FOCAD: variants seen among roughly 807,000 people sequenced by gnomAD.
FOCAD encodes focadhesin, also known as KIAA1797.
A neutral mutation model predicts 225.6 loss-of-function variants in FOCAD; 198 were observed. The ratio of observed to expected loss-of-function variants is 0.88; its 90% CI spans 0.78 to 0.99. The LOEUF (loss-of-function observed/expected upper bound fraction) is 0.99, where lower values mean the gene tolerates loss of function less well. Among genes scored for constraint, FOCAD ranks in the 50% least tolerant of loss-of-function variants. The pLI is 0.00. For synonymous variants in FOCAD, 897 were observed against 755.0 expected (o/e 1.19, Z -3.08); for missense variants, 2,713 against 2,123.6 (o/e 1.28, Z -5.46).
chr9:20,838,261 A>G (rs1250481556), intron 15 of FOCAD, among the ~76,000 whole-genome samples: 2 of 151,000 alleles, frequency 1.3e-5, no homozygotes, highest in Non-Finnish European at 3.0e-5. Context: ...ATGACATTAT[A>G]CCACATAGGT....
At chr9:20,949,909 T>A (rs879681275) in intron 33 of FOCAD, among the ~76,000 whole-genome samples, 1 of 152,068 alleles carries the variant, frequency 6.6e-6, no homozygotes, top group African/African-American at 2.4e-5. Flanking sequence ...TAAGTTGGCA[T>A]TGGTTTTTCT....
At chr9:20,724,578 A>G (rs1826044259) in intron 4 of FOCAD, among the ~76,000 whole-genome samples, 1 of 152,214 alleles carries the variant, frequency 6.6e-6, no homozygotes, top group African/African-American at 2.4e-5. Flanking sequence ...TGATCATAAA[A>G]TATATAAGTG....
chr9:20,844,434 C>T (rs1175287450), intron 15 of FOCAD, among the ~76,000 whole-genome samples: 1 of 127,600 alleles, frequency 7.8e-6, no homozygotes, highest in African/African-American at 3.0e-5. Flanking sequence ...GATCTCGGCT[C>T]ACTGCAACCT....
upstream of FOCAD, among the ~76,000 whole-genome samples, chr9:20,680,509 T>A (rs900451796): frequency 6.6e-6 from 1 of 152,058 alleles, no homozygotes; most frequent in Non-Finnish European, 1.5e-5. Context: ...AAGCTGAGAT[T>A]GCGTCATTGC....
chr9:20,888,101 T>A (rs1350867018), intron 21 of FOCAD, among the ~76,000 whole-genome samples: 1 of 150,382 alleles, frequency 6.6e-6, no homozygotes, highest in Admixed American at 6.6e-5. Context: ...TTACTTAGTG[T>A]GTTACATGTC....
At chr9:20,842,003 T>G (rs1441021341) in intron 15 of FOCAD, among the ~76,000 whole-genome samples, 1 of 152,024 alleles carries the variant, frequency 6.6e-6, no homozygotes, top group Non-Finnish European at 1.5e-5. Flanking sequence ...AGTTTCTTTA[T>G]TGACCCCACT....
intron 15 of FOCAD, among the ~76,000 whole-genome samples, chr9:20,832,067 G>A (rs1244339754): frequency 1.3e-5 from 2 of 152,014 alleles, no homozygotes; most frequent in South Asian, 4.1e-4. Flanking sequence ...ATACTGTGTT[G>A]TATGGCTGTA....
chr9:20,675,313 A>G (rs1347392640), intron 2 of FOCAD, among the ~76,000 whole-genome samples: 1 of 152,252 alleles, frequency 6.6e-6, no homozygotes, highest in African/African-American at 2.4e-5. Flanking sequence ...ATAAAAATAT[A>G]TACCAGAGCA....
intron 23 of FOCAD, among the ~76,000 whole-genome samples, chr9:20,915,681 AGCTGGTGG>A (rs1833810755): frequency 6.6e-6 from 1 of 152,146 alleles, no homozygotes; most frequent in Admixed American, 6.5e-5. Context: ...ATGGGGCAAT[AGCTGGTGG>A]GCTTGTTCTG....
intron 24 of FOCAD, among the ~76,000 whole-genome samples, chr9:20,922,636 T>C (rs1834553628): frequency 6.6e-6 from 1 of 152,210 alleles, no homozygotes; most frequent in African/African-American, 2.4e-5. Flanking sequence ...CTCATATCTG[T>C]TATAGTCCTG....
chr9:20,765,968 A>T (rs1830020638), intron 7 of FOCAD, among the ~76,000 whole-genome samples: 1 of 152,216 alleles, frequency 6.6e-6, no homozygotes, highest in East Asian at 1.9e-4. Flanking sequence ...TCTGCGACTT[A>T]TAAATAGGCT....
intron 43 of FOCAD, among the ~76,000 whole-genome samples, chr9:20,994,905 G>T (rs1190973765): frequency 6.6e-6 from 1 of 152,018 alleles, no homozygotes; most frequent in Non-Finnish European, 1.5e-5. Context: ...TGTAACTCTG[G>T]CTTACCTACA....
chr9:20,926,267 C>G (rs764474656), intron 25 of FOCAD, 34 bp from the exon 26 acceptor site: 4 of 1,229,906 alleles, frequency 3.3e-6, no homozygotes, highest in Non-Finnish European at 4.8e-6. Context: ...TTTGTTTTCT[C>G]TGTAATCATT....
intron 5 of FOCAD, among the ~76,000 whole-genome samples, chr9:20,746,798 A>G (rs939188609): frequency 6.6e-6 from 1 of 152,184 alleles, no homozygotes; most frequent in Non-Finnish European, 1.5e-5. Flanking sequence ...TTTTTAATGT[A>G]TAGGATCTAG....
intron 11 of FOCAD, among the ~76,000 whole-genome samples, chr9:20,790,958 T>C (rs1820463869): frequency 6.6e-6 from 1 of 152,210 alleles, no homozygotes; most frequent in Non-Finnish European, 1.5e-5. Flanking sequence ...AAAATACTTT[T>C]GTTTCATGGT....
chr9:20,978,646 G>T (rs959438194), intron 37 of FOCAD, among the ~76,000 whole-genome samples, 192 bp downstream of exon 37: 1 of 152,180 alleles, frequency 6.6e-6, no homozygotes, highest in Non-Finnish European at 1.5e-5. Context: ...AGCCATTACC[G>T]TTCATGCTTT....
intron 9 of FOCAD, 43 bp from the exon 10 acceptor site, chr9:20,781,684 G>T: frequency 6.4e-7 from 1 of 1,566,038 alleles, no homozygotes; most frequent in South Asian, 1.1e-5. Flanking sequence ...GTTTGACTGT[G>T]GTATTAATTT....
intron 21 of FOCAD, among the ~76,000 whole-genome samples, chr9:20,892,562 G>C (rs547509385): frequency 1.3e-5 from 2 of 152,214 alleles, no homozygotes; most frequent in South Asian, 2.1e-4. Flanking sequence ...AGTAGAATTA[G>C]AAGTAGAGCC....
intron 5 of FOCAD, among the ~76,000 whole-genome samples, chr9:20,740,872 C>T (rs1335922455): frequency 1.3e-5 from 2 of 152,114 alleles, no homozygotes; most frequent in African/African-American, 2.4e-5. Context: ...AATAATACTA[C>T]AATGCATTGG....
Sources: gnomAD v4.1 joint callset for allele counts (sites outside exome capture counted in the v4.1 genomes callset) on GRCh38, gnomAD v4.1.1 for gene constraint, MANE v1.5 for transcripts, NCBI Gene and HGNC (gene_info 2026-07-23, HGNC 2026-07-21) for gene names.